Variants in ATP1A2 observed in about 807,000 individuals in gnomAD.
ATP1A2 encodes the protein sodium/potassium-transporting ATPase subunit alpha-2.
In ATP1A2, 56 loss-of-function variants were observed where a neutral mutation model predicts 113.1. The ratio of observed to expected loss-of-function variants is 0.49; its 90% CI spans 0.40 to 0.62. The LOEUF (loss-of-function observed/expected upper bound fraction) is 0.62, where lower values mean the gene tolerates loss of function less well. Among genes scored for constraint, ATP1A2 ranks in the 20% least tolerant of loss-of-function variants. The pLI is 0.00. For missense variants in ATP1A2, 712 were observed against 1,357.8 expected, an observed-to-expected ratio of 0.52 and a Z score of 7.47; for synonymous variants, 490 against 526.8, an observed-to-expected ratio of 0.93 and a Z score of 0.96.
At chr1:160,137,464 C>T (rs1194662819) in intron 20 of ATP1A2, among the ~76,000 whole-genome samples, 3 of 152,192 alleles carry the variant, frequency 2.0e-5, no homozygotes, top group South Asian at 4.1e-4. Flanking sequence ...TGAGTTCCAG[C>T]GTGCCAGGCA....
intron 1 of ATP1A2, 117 bp downstream of exon 1, chr1:160,115,990 T>C (rs543830543): frequency 6.7e-7 from 1 of 1,483,458 alleles, no homozygotes; most frequent in Admixed American, 2.0e-5. Flanking sequence ...GTGGGATACT[T>C]GGAACTTGAA....
chr1:160,120,529 C>T (rs929571116), intron 1 of ATP1A2, among the ~76,000 whole-genome samples: 2 of 152,198 alleles, frequency 1.3e-5, no homozygotes, highest in Non-Finnish European at 2.9e-5. Flanking sequence ...AAAACCCTGT[C>T]CACTCCCTTC....
chr1:160,137,981 G>T (rs1292413502), intron 20 of ATP1A2, among the ~76,000 whole-genome samples: 1 of 152,238 alleles, frequency 6.6e-6, no homozygotes, highest in African/African-American at 2.4e-5. Flanking sequence ...AATTTGAAGA[G>T]AACAAGGAGC....
intron 1 of ATP1A2, 131 bp from the exon 2 acceptor site, chr1:160,120,775 C>T (rs960081249): frequency 1.1e-6 from 1 of 901,896 alleles, no homozygotes. Context: ...CTCCATCCCC[C>T]CTATCTCCCC....
At chr1:160,132,962 T>A (rs1651815521) in intron 13 of ATP1A2, among the ~76,000 whole-genome samples, 1 of 152,086 alleles carries the variant, frequency 6.6e-6, no homozygotes. Flanking sequence ...ACCAATGCCA[T>A]TTAATCTTCA....
chr1:160,116,551 C>A lies in ATP1A2; in HGVS notation c.12+678C>A, dbSNP rs1264536267. Reference sequence around the variant, plus strand: ...GGCTGGTGACAGGTGACCCCCCCCCCAGTCCACCCGTCCATGGCATTCTGC... The same window carrying A: ...GGCTGGTGACAGGTGACCCCCCCCCAAGTCCACCCGTCCATGGCATTCTGC... On this transcript the variant is annotated intron_variant, in intron 1 of 22. Transcript: ENST00000361216. Among the ~76,000 whole-genome samples, 5 of 146,462 alleles carry A rather than the reference C, an allele frequency of 3.4e-5. No homozygotes were observed. In the East Asian group the frequency reaches 6.0e-4, roughly 18 times the overall value.
At position 160,136,712 on chromosome 1, in the gene ATP1A2, G is replaced by A. The variant is rs1651963460; in HGVS notation, c.2706G>A (p.Glu902=). 1.2e-6 allele frequency: 2 copies of A among 1,614,200 alleles called. No individual in the cohort carries two copies. The highest frequency in any genetic ancestry group is 1.7e-6 in the Non-Finnish European group (2 of 1,180,014). The stretch of plus-strand genomic sequence containing the variant: ...ATCTGGAGGACAGCTATGGACAGGA[G>A]TGGGTGAGTGGTGCTGTGTAAACAC... ...MNDLEDSYGQ[E]WTYEQRKVVE... The change falls in exon 19 of 23, where the codon GAG becomes GAA. Residue 902 remains glutamate (E), a synonymous_variant. Coordinates refer to ENST00000361216, the MANE Select transcript of ATP1A2 (RefSeq NM_000702.4).
At chr1:160,136,845 C>A (rs1651969498) in intron 19 of ATP1A2, 56 bp from the exon 20 acceptor site, 2 of 1,614,220 alleles carry the variant, frequency 1.2e-6, no homozygotes, top group Non-Finnish European at 1.7e-6. Flanking sequence ...ATGCTACCTT[C>A]TGGTCCTACC....
Position 160,134,482 on chromosome 1 carries a change from A to G in ATP1A2, c.1828-2A>G. ...CCTGTTGTCTCCTCTCCTTCCCACT[A>G]GGTGATCATGGTAACCGGGGATCAC... On this transcript the variant is annotated splice_acceptor_variant, in intron 13 of 22. Coordinates refer to ENST00000361216, the MANE Select transcript of ATP1A2 (RefSeq NM_000702.4). LOFTEE classifies it high-confidence loss of function. 6.2e-7 allele frequency: 1 copy of G among 1,614,200 alleles called. No individual in the cohort carries two copies. Among genetic ancestry groups the G allele is most frequent in the Non-Finnish European group, 8.5e-7 (1 of 1,180,032 alleles).
rs768746868 is a variant in ATP1A2, at chr1:160,135,303, C to T, written c.2115+8C>T. The T allele has an allele frequency of 2.0e-5, 32 of 1,614,036 alleles. No homozygotes were observed. Among genetic ancestry groups the T allele is most frequent in the Non-Finnish European group, 2.5e-5 (29 of 1,180,042 alleles). ...GAGGGATGTCAGAGGCAGGTGAGCA[C>T]AGCCACGGGAGGCAGATGACAGGCA... On this transcript the variant is annotated splice_region_variant and intron_variant, in intron 15 of 22. Coordinates refer to ENST00000361216, the MANE Select transcript of ATP1A2 (RefSeq NM_000702.4). The surrounding 1 kb of genome is among the most constrained non-coding windows in gnomAD (Gnocchi z 6.3).
chr1:160,127,451 C>A, intron 7 of ATP1A2, 101 bp from the exon 8 acceptor site: 2 of 1,563,166 alleles, frequency 1.3e-6, no homozygotes, highest in Non-Finnish European at 1.7e-6. Flanking sequence ...GCGGCTTTGG[C>A]TCACCTATCC....
Position 160,143,334 on chromosome 1 carries a change from A to AT in ATP1A2, c.*2019dup, listed in dbSNP as rs929772249. On this transcript the variant is annotated 3_prime_UTR_variant, in exon 23 of 23. Transcript: ENST00000361216. ...TCTTTGCACAATCAATAAAAATGGCATTTTTTTAGTAAATTAAGAGCATAA... is the reference window on the plus strand; with the variant it reads ...TCTTTGCACAATCAATAAAAATGGCATTTTTTTTAGTAAATTAAGAGCATAA... 22 of 152,532 alleles carry AT rather than the reference A, an allele frequency of 1.4e-4. No individual in the cohort carries two copies. Among genetic ancestry groups the AT allele is most frequent in the Non-Finnish European group, 2.9e-4 (20 of 68,024 alleles). 9.4% of individuals were successfully genotyped at this position (152,532 alleles called of 1,614,324 possible).
chr1:160,124,284 G>A lies in ATP1A2; in HGVS notation c.496-12G>A, dbSNP rs1333369313. The A allele has an allele frequency of 6.3e-7, 1 of 1,593,876 alleles. No homozygotes were observed. The highest frequency in any genetic ancestry group is 8.5e-7 in the Non-Finnish European group (1 of 1,170,320). On this transcript the variant is annotated splice_polypyrimidine_tract_variant and intron_variant, in intron 5 of 22. Transcript: ENST00000361216. Reference sequence around the variant, plus strand: ...GACAAGCATTTCATGAGCTGCCTGTGGCTCCCCACAGCAAGCCCTTGTGAT... The same window carrying A: ...GACAAGCATTTCATGAGCTGCCTGTAGCTCCCCACAGCAAGCCCTTGTGAT...
At chr1:160,121,273 G>A in intron 3 of ATP1A2, 22 bp downstream of exon 3, 1 of 1,614,002 alleles carries the variant, frequency 6.2e-7, no homozygotes, top group South Asian at 1.1e-5. Flanking sequence ...GGCTTCTAGG[G>A]AAGGAACAAA....
rs1483005645 is a variant in ATP1A2, at chr1:160,136,918, G to A, written c.2727G>A (p.Lys909=). 1 of 1,614,214 alleles carries A rather than the reference G, an allele frequency of 6.2e-7. No individual in the cohort carries two copies. Among genetic ancestry groups the A allele is most frequent in the East Asian group, 2.2e-5 (1 of 44,874 alleles). The change falls in exon 20 of 23, where the codon AAG becomes AAA. Residue 909 remains lysine, a synonymous_variant. Coordinates refer to ENST00000361216, the MANE Select transcript of ATP1A2 (RefSeq NM_000702.4). ...CCCTCCAGACCTATGAGCAGCGGAA[G>A]GTGGTGGAGTTCACGTGCCACACGG... ...YGQEWTYEQR[K]VVEFTCHTAF...
intron 8 of ATP1A2, 90 bp downstream of exon 8, chr1:160,127,910 C>T: frequency 6.7e-7 from 1 of 1,492,196 alleles, no homozygotes; most frequent in East Asian, 2.3e-5. Flanking sequence ...TAGCTTCTCA[C>T]TACTTTTTCC....
Position 160,141,475 on chromosome 1 carries a change from A to G in ATP1A2, c.*153A>G. On this transcript the variant is annotated 3_prime_UTR_variant, in exon 23 of 23. Coordinates refer to ENST00000361216, the MANE Select transcript of ATP1A2 (RefSeq NM_000702.4). ...AACTCAGCAGGCTAAGTTGCGGGGTATATAAATTGGGGTGATGACCCCATA... is the reference window on the plus strand; with the variant it reads ...AACTCAGCAGGCTAAGTTGCGGGGTGTATAAATTGGGGTGATGACCCCATA... 1 of 970,230 alleles carries G rather than the reference A, an allele frequency of 1.0e-6. No individual in the cohort carries two copies. The highest frequency in any genetic ancestry group is 1.6e-6 in the Non-Finnish European group (1 of 617,504). 60.1% of individuals were successfully genotyped at this position (970,230 alleles called of 1,614,324 possible).
chr1:160,126,234 G>A (rs867491104), intron 7 of ATP1A2, among the ~76,000 whole-genome samples: 6 of 152,038 alleles, frequency 3.9e-5, no homozygotes, highest in African/African-American at 1.2e-4. Flanking sequence ...TATAATCTGC[G>A]CACATCCTCC....
intron 3 of ATP1A2, 173 bp downstream of exon 3, chr1:160,121,424 T>G (rs947237849): frequency 5.2e-6 from 4 of 771,944 alleles, no homozygotes; most frequent in Non-Finnish European, 8.7e-6. Context: ...CAGCCAGAAC[T>G]AGAATTTGGA....
Sources: gnomAD v4.1 joint callset for allele counts (sites outside exome capture counted in the v4.1 genomes callset) on GRCh38, gnomAD v4.1.1 for gene constraint, Gnocchi (gnomAD v3.1) non-coding constraint, MANE v1.5 for transcripts, NCBI Gene and HGNC (gene_info 2026-07-23, HGNC 2026-07-21) for gene names.